Variants in NDUFS7 observed in about 807,000 individuals in gnomAD.
NDUFS7 encodes NADH dehydrogenase [ubiquinone] iron-sulfur protein 7, mitochondrial.
In NDUFS7, 11 loss-of-function variants were observed where a neutral mutation model predicts 31.1. The ratio of observed to expected loss-of-function variants is 0.35; its 90% CI spans 0.22 to 0.59. NDUFS7 has a LOEUF of 0.59. Ranked by LOEUF, NDUFS7 falls within the 20% of genes least tolerant of loss-of-function variation. The probability of loss-of-function intolerance (pLI) is 0.79; values close to 1 mark genes in which losing one functional copy is unlikely to be tolerated. For missense variants in NDUFS7, 263 were observed against 324.2 expected (o/e 0.81, Z 1.45); for synonymous variants, 136 against 127.9 (o/e 1.06, Z -0.43).
intron 4 of NDUFS7, chr19:1,389,410 C>T: frequency 2.2e-6 from 1 of 460,018 alleles, no homozygotes; most frequent in Non-Finnish European, 4.4e-6. Context: ...CTCACTGATG[C>T]ACACACACCC....
chr19:1,387,983 C>T (rs766634052), intron 2 of NDUFS7, 136 bp downstream of exon 2: 15 of 823,200 alleles, frequency 1.8e-5, no homozygotes, highest in Admixed American at 1.2e-4. Flanking sequence ...ATGCAGGTGA[C>T]GGTCTGCACG....
chr19:1,389,761 A>G (rs1425502456), intron 4 of NDUFS7: 1 of 342,748 alleles, frequency 2.9e-6, no homozygotes, highest in Non-Finnish European at 5.8e-6. Context: ...CCCGGGTTCA[A>G]CAATCCCCCA....
At chr19:1,388,012 G>A in intron 2 of NDUFS7, 165 bp downstream of exon 2, 1 of 731,956 alleles carries the variant, frequency 1.4e-6, no homozygotes, top group Non-Finnish European at 2.4e-6. Flanking sequence ...GATGTGCCGG[G>A]ACCCTCCCTG....
At chr19:1,390,160 A>G (rs1171610913) in intron 4 of NDUFS7, 1 of 155,190 alleles carries the variant, frequency 6.4e-6, no homozygotes, top group Non-Finnish European at 1.4e-5. Context: ...TCGGCCTCCC[A>G]AAGTGCTGGG....
intron 4 of NDUFS7, chr19:1,389,847 A>G (rs1158263514): frequency 6.5e-6 from 2 of 308,158 alleles, no homozygotes; most frequent in Admixed American, 4.8e-5. Flanking sequence ...CCAGGGCCGC[A>G]GTGGTCGAGA....
chr19:1,393,239 C>T lies in NDUFS7; in HGVS notation c.456-3C>T, dbSNP rs1406236521. Reference sequence around the variant, plus strand: ...CACTCCCCTCACGGTGCCTCCCCAACAGCTGCGCCAACGGAGGAGGCTACT... The same window carrying T: ...CACTCCCCTCACGGTGCCTCCCCAATAGCTGCGCCAACGGAGGAGGCTACT... On this transcript the variant is annotated splice_region_variant and splice_polypyrimidine_tract_variant and intron_variant, in intron 6 of 7. Coordinates refer to ENST00000233627, the MANE Select transcript of NDUFS7 (RefSeq NM_024407.5). The surrounding 1 kb of genome is among the most constrained non-coding windows in gnomAD (Gnocchi z 7.3). The T allele has an allele frequency of 6.4e-7, 1 of 1,558,576 alleles. No individual in the cohort carries two copies. The highest frequency in any genetic ancestry group is 2.4e-5 in the East Asian group (1 of 41,826).
intron 7 of NDUFS7, 74 bp from the exon 8 acceptor site, chr19:1,395,317 G>T (rs1002052353): frequency 2.0e-6 from 3 of 1,531,148 alleles, no homozygotes; most frequent in South Asian, 1.2e-5. Flanking sequence ...TTCCAAAGCC[G>T]AGCCGGCTGC....
intron 4 of NDUFS7, chr19:1,389,570 C>T (rs1056057983): frequency 6.6e-6 from 3 of 452,484 alleles, no homozygotes; most frequent in Non-Finnish European, 1.3e-5. Flanking sequence ...TCTTGTTTCT[C>T]TTTTAAGGTG....
chr19:1,388,016 C>G, intron 2 of NDUFS7, 169 bp downstream of exon 2: 2 of 714,076 alleles, frequency 2.8e-6, no homozygotes, highest in Non-Finnish European at 4.9e-6. Flanking sequence ...TGCCGGGACC[C>G]TCCCTGGGAC....
At chr19:1,388,024 G>A (rs1482476185) in intron 2 of NDUFS7, 177 bp downstream of exon 2, 3 of 700,328 alleles carry the variant, frequency 4.3e-6, no homozygotes, top group Admixed American at 4.1e-5. Flanking sequence ...CCCTCCCTGG[G>A]ACAGTCCACG....
At position 1,391,041 on chromosome 19, in the gene NDUFS7, G is replaced by C. The variant is rs144868423; in HGVS notation, c.399G>C (p.Ala133=). 6.2e-7 allele frequency: 1 copy of C among 1,613,194 alleles called. No individual in the cohort carries two copies. The highest frequency in any genetic ancestry group is 8.5e-7 in the Non-Finnish European group (1 of 1,179,794). The change falls in exon 5 of 8, where the codon GCG becomes GCC. Residue 133 remains alanine, a synonymous_variant. Transcript: ENST00000233627. The stretch of plus-strand genomic sequence containing the variant: ...CACTCACCAACAAGATGGCCCCAGC[G>C]CTTCGCAAGGTAGGCCTCGTCCCAG... ...AGTLTNKMAP[A]LRKVYDQMPE... is the part of the protein sequence containing the mutation.
At chr19:1,389,412 C>T (rs1028163380) in intron 4 of NDUFS7, 1 of 459,648 alleles carries the variant, frequency 2.2e-6, no homozygotes, top group Non-Finnish European at 4.4e-6. Context: ...CACTGATGCA[C>T]ACACACCCCT....
At chr19:1,389,289 G>A (rs369012244) in intron 4 of NDUFS7, 9 of 571,796 alleles carry the variant, frequency 1.6e-5, no homozygotes, top group South Asian at 4.7e-5. Context: ...TCGCACACAC[G>A]TGCACATATA....
intron 7 of NDUFS7, chr19:1,395,030 G>A (rs944165812): frequency 2.1e-5 from 25 of 1,169,716 alleles, no homozygotes; most frequent in Middle Eastern, 3.7e-4. Context: ...GGGCAGCCCC[G>A]GGCCCTGCTC....
chr19:1,384,025 T>C (rs2082491568), intron 1 of NDUFS7, 83 bp downstream of exon 1: 5 of 1,445,124 alleles, frequency 3.5e-6, no homozygotes, highest in Non-Finnish European at 4.6e-6. Flanking sequence ...GCGTCGGGGG[T>C]CGGTGCCGGC....
intron 1 of NDUFS7, among the ~76,000 whole-genome samples, chr19:1,387,516 G>T (rs982097711): frequency 6.6e-6 from 1 of 152,220 alleles, no homozygotes; most frequent in Admixed American, 6.5e-5. Flanking sequence ...CCCCCACAGG[G>T]CAGCAGCCAG....
intron 1 of NDUFS7, 174 bp from the exon 2 acceptor site, chr19:1,387,637 C>A (rs2144610459): frequency 1.5e-6 from 1 of 659,944 alleles, no homozygotes; most frequent in Non-Finnish European, 2.8e-6. Flanking sequence ...AAGCAGGGGA[C>A]TAAGACTCTC....
At position 1,393,882 on chromosome 19, in the gene NDUFS7, G is replaced by A; in HGVS notation, c.544+552G>A. The A allele has an allele frequency of 4.2e-6, 1 of 239,574 alleles. No individual in the cohort carries two copies. The highest frequency in any genetic ancestry group is 8.3e-6 in the Non-Finnish European group (1 of 120,760). 14.8% of individuals were successfully genotyped at this position (239,574 alleles called of 1,614,324 possible). A position where few individuals can be genotyped will look rare whatever the true frequency, so the allele number is the denominator to read the frequency against. On this transcript the variant is annotated intron_variant, in intron 7 of 7. Coordinates refer to ENST00000233627, the MANE Select transcript of NDUFS7 (RefSeq NM_024407.5). This position sits in a 1 kb window ranked among gnomAD's most constrained non-coding sequence, Gnocchi z 7.3. ...ACTGACACTAAAAAGAGCATTGGCT[G>A]CATACCTGAAATTCACATCGCACCG...
chr19:1,386,793 A>AG (rs1486860045), intron 1 of NDUFS7: 3 of 152,410 alleles, frequency 2.0e-5, no homozygotes, highest in South Asian at 4.1e-4. Flanking sequence ...CACCACGCCC[A>AG]GGCATTAATG....
Sources: gnomAD v4.1 joint callset for allele counts (sites outside exome capture counted in the v4.1 genomes callset) on GRCh38, gnomAD v4.1.1 for gene constraint, Gnocchi (gnomAD v3.1) non-coding constraint, MANE v1.5 for transcripts, NCBI Gene and HGNC (gene_info 2026-07-23, HGNC 2026-07-21) for gene names.